The following CGNL1 variants were observed in gnomAD, a reference collection of about 807,000 sequenced individuals.
The protein encoded by CGNL1 is cingulin like 1, also known as cingulin-like protein 1.
Under a neutral mutation model 141.2 loss-of-function variants are expected in CGNL1, and 132 were observed. The ratio of observed to expected loss-of-function variants is 0.93; its 90% confidence interval spans 0.81 to 1.08. The LOEUF is 1.08. CGNL1 is among the 50% of genes least tolerant of loss of function. The pLI is 0.00. For missense variants in CGNL1, 1,870 were observed against 1,588.6 expected (o/e 1.18, Z -3.01); for synonymous variants, 690 against 622.1 (o/e 1.11, Z -1.63).
intron 14 of CGNL1, among the ~76,000 whole-genome samples, chr15:57,535,110 T>A (rs572898170): frequency 2.0e-5 from 3 of 152,324 alleles, no homozygotes; most frequent in African/African-American, 7.2e-5. Context: ...ATGAGAGATT[T>A]GAGGCCCAGA....
chr15:57,529,019 T>A (rs1207113724), intron 13 of CGNL1: 1 of 523,428 alleles, frequency 1.9e-6, no homozygotes, highest in Non-Finnish European at 3.4e-6. Flanking sequence ...CTAGAAGGAA[T>A]GATGGATATA....
At chr15:57,422,762 T>C (rs780573747) in intron 1 of CGNL1, among the ~76,000 whole-genome samples, 6 of 152,188 alleles carry the variant, frequency 3.9e-5, no homozygotes, top group Admixed American at 6.5e-5. Flanking sequence ...GTATTGGCTT[T>C]AGGTGGAAGA....
At chr15:57,392,559 A>G (rs1283491741) in intron 1 of CGNL1, among the ~76,000 whole-genome samples, 1 of 152,242 alleles carries the variant, frequency 6.6e-6, no homozygotes, top group African/African-American at 2.4e-5. Context: ...TCTTGCAAAG[A>G]AGTATGACTG....
chr15:57,426,233 C>T (rs7167316), intron 1 of CGNL1, among the ~76,000 whole-genome samples: 4,048 of 152,226 alleles, frequency 0.027, 162 homozygotes, highest in African/African-American at 0.091. Context: ...CAACCTCTGC[C>T]TCCCAGGTTC....
At chr15:57,495,110 C>G (rs1186513785) in intron 8 of CGNL1, among the ~76,000 whole-genome samples, 1 of 152,178 alleles carries the variant, frequency 6.6e-6, no homozygotes, top group East Asian at 1.9e-4. Context: ...TATAACTTGG[C>G]TATACCCTGT....
intron 8 of CGNL1, among the ~76,000 whole-genome samples, chr15:57,471,349 G>A (rs1409335909): frequency 6.6e-6 from 1 of 152,208 alleles, no homozygotes; most frequent in Admixed American, 6.5e-5. Flanking sequence ...ATTCCATTAG[G>A]AGGATCCCTC....
At chr15:57,405,493 G>T (rs527288233) in intron 1 of CGNL1, among the ~76,000 whole-genome samples, 9 of 152,320 alleles carry the variant, frequency 5.9e-5, no homozygotes, top group Non-Finnish European at 1.3e-4. Context: ...ATACTGTCTA[G>T]GTTCCTGAAT....
At chr15:57,433,613 T>C (rs2063071047) in intron 1 of CGNL1, among the ~76,000 whole-genome samples, 1 of 152,064 alleles carries the variant, frequency 6.6e-6, no homozygotes, top group African/African-American at 2.4e-5. Flanking sequence ...TGGCCAAATA[T>C]AGGGAGTTAT....
chr15:57,475,693 A>G (rs2063646732), intron 8 of CGNL1, among the ~76,000 whole-genome samples: 1 of 152,094 alleles, frequency 6.6e-6, no homozygotes, highest in South Asian at 2.1e-4. Context: ...CCAGGGCTGT[A>G]CGTATTCCAG....
chr15:57,442,182 G>GAAAAAAAAAAAAAAAAAACAAAAAAA, intron 3 of CGNL1, among the ~76,000 whole-genome samples, 191 bp from the exon 4 acceptor site: 1 of 96,528 alleles, frequency 1.0e-5, no homozygotes, highest in African/African-American at 4.3e-5. Flanking sequence ...TCATTTATTT[G>GAAAAAAAAAAAAAAAAAACAAAAAAA]AAAAAAAAAA....
intron 1 of CGNL1, among the ~76,000 whole-genome samples, chr15:57,419,411 C>T (rs1301849941): frequency 6.6e-6 from 1 of 152,166 alleles, no homozygotes; most frequent in Non-Finnish European, 1.5e-5. Flanking sequence ...AGAGTCCACA[C>T]TTTATCCCGA....
At chr15:57,417,549 G>A (rs2062862440) in intron 1 of CGNL1, among the ~76,000 whole-genome samples, 1 of 151,802 alleles carries the variant, frequency 6.6e-6, no homozygotes, top group Non-Finnish European at 1.5e-5. Flanking sequence ...TGCCATTTCT[G>A]TGGGTAAACT....
Position 57,461,814 on chromosome 15 carries a change from T to C in CGNL1, c.2325T>C (p.Asp775=). Reference sequence around the variant, plus strand: ...TGAAAGAAGAGGTTTCCAGCCATGATCAGGAGATGGACAAGCTGAAGGAGC... The same window carrying C: ...TGAAAGAAGAGGTTTCCAGCCATGACCAGGAGATGGACAAGCTGAAGGAGC... ...GALKEEVSSH[D]QEMDKLKEQY... The change falls in exon 8 of 19, where the codon GAT becomes GAC. Residue 775 remains aspartate (D), a synonymous_variant. Transcript: ENST00000281282. 1.2e-6 allele frequency: 2 copies of C among 1,614,032 alleles called. No individual in the cohort carries two copies. Among genetic ancestry groups the C allele is most frequent in the Non-Finnish European group, 1.7e-6 (2 of 1,179,992 alleles).
At chr15:57,443,059 G>GGAA (rs1351762130) in intron 4 of CGNL1, among the ~76,000 whole-genome samples, 1 of 152,228 alleles carries the variant, frequency 6.6e-6, no homozygotes, top group Non-Finnish European at 1.5e-5. Context: ...AGGCAAACAT[G>GGAA]GAAGGTAAGT....
In CGNL1 at chr15:57,438,365, C is replaced by G. The variant is rs944597549; in HGVS notation, c.366C>G (p.Leu122=). 1 of 1,614,180 alleles carries G rather than the reference C, an allele frequency of 6.2e-7. No individual in the cohort carries two copies. The highest frequency in any genetic ancestry group is 8.5e-7 in the Non-Finnish European group (1 of 1,180,046). ...TAAGAAACCTGAAACAGCCCCTGCT[C>G]CATGAGGGCAAGAATGGAGTTCTAG... is the stretch of plus-strand genomic sequence containing the variant. ...SPIRNLKQPL[L]HEGKNGVLDR... Residue 122 remains leucine, a synonymous_variant, in exon 2 of 19, where the codon CTC becomes CTG. Coordinates refer to ENST00000281282, the MANE Select transcript of CGNL1 (RefSeq NM_032866.5).
At chr15:57,473,746 C>T (rs1025732686) in intron 8 of CGNL1, among the ~76,000 whole-genome samples, 2 of 152,070 alleles carry the variant, frequency 1.3e-5, no homozygotes, top group Admixed American at 6.6e-5. Flanking sequence ...TGTCAACAGC[C>T]ATGTGAGTGT....
chr15:57,547,489 G>C lies in CGNL1; in HGVS notation c.3908G>C (p.Ter1303SerextTer71). 6.2e-7 allele frequency: 1 copy of C among 1,613,808 alleles called. No homozygotes were observed. ...SKDSTVASQI[*>S] is the part of the protein sequence containing the mutation. Reference sequence around the variant, plus strand: ...GACAGCACCGTCGCCAGCCAGATCTGAGTGCTCTCCCGGGCTGTGGAAGTA... The same window carrying C: ...GACAGCACCGTCGCCAGCCAGATCTCAGTGCTCTCCCGGGCTGTGGAAGTA... Residue 1303 changes from the stop codon to serine, a stop_lost, in exon 19 of 19, where the codon TGA (stop) becomes TCA (serine). Transcript: ENST00000281282.
chr15:57,421,665 T>C (rs1389742337), intron 1 of CGNL1, among the ~76,000 whole-genome samples: 1 of 152,098 alleles, frequency 6.6e-6, no homozygotes, highest in Non-Finnish European at 1.5e-5. Context: ...GAGAGCCCAC[T>C]TTTACAGCAG....
intron 1 of CGNL1, among the ~76,000 whole-genome samples, chr15:57,415,640 C>T (rs1321866439): frequency 2.0e-5 from 3 of 152,188 alleles, no homozygotes; most frequent in East Asian, 1.9e-4. Flanking sequence ...AATGAGCTCC[C>T]CACCTATCTC....
Sources: gnomAD v4.1 joint callset for allele counts (sites outside exome capture counted in the v4.1 genomes callset) on GRCh38, gnomAD v4.1.1 for gene constraint, MANE v1.5 for transcripts, NCBI Gene and HGNC (gene_info 2026-07-23, HGNC 2026-07-21) for gene names.